The following TIMD4 variants were observed in gnomAD, a reference collection of about 807,000 sequenced individuals.
The protein encoded by TIMD4 is T cell immunoglobulin and mucin domain containing 4.
In TIMD4, 31 loss-of-function variants were observed where a neutral mutation model predicts 41.2. That is an observed-to-expected ratio of 0.75 (90% CI 0.57 to 1.01). The LOEUF is 1.01. Ranked by LOEUF, TIMD4 falls within the 50% of genes least tolerant of loss-of-function variation. The probability of loss-of-function intolerance (pLI) is 0.00; values close to 1 mark genes in which losing one functional copy is unlikely to be tolerated. For missense variants in TIMD4, 479 were observed against 472.5 expected (o/e 1.01, Z -0.13); for synonymous variants, 204 against 177.1 (o/e 1.15, Z -1.21).
chr5:156,921,037 A>G (rs1161609275), intron 7 of TIMD4, among the ~76,000 whole-genome samples: 2 of 151,412 alleles, frequency 1.3e-5, no homozygotes, highest in African/African-American at 2.4e-5. Flanking sequence ...CCCATTTTAC[A>G]ACAGTACCAG....
chr5:156,946,225 CTTTCTT>C (rs1759738083), intron 5 of TIMD4, among the ~76,000 whole-genome samples: 1 of 152,192 alleles, frequency 6.6e-6, no homozygotes, highest in African/African-American at 2.4e-5. Context: ...ACTGTCATCT[CTTTCTT>C]TGTCAGAAAA....
intron 6 of TIMD4, among the ~76,000 whole-genome samples, chr5:156,925,302 T>C (rs551362301): frequency 2.6e-5 from 4 of 152,322 alleles, no homozygotes; most frequent in African/African-American, 7.2e-5. Context: ...AGTGAGACTT[T>C]GTCTCAAAAA....
At chr5:156,952,424 A>ATCT (rs1162146221) in intron 2 of TIMD4, among the ~76,000 whole-genome samples, 2 of 151,890 alleles carry the variant, frequency 1.3e-5, no homozygotes, top group Non-Finnish European at 2.9e-5. Context: ...ATTTGACCCC[A>ATCT]TCTTGCCTTT....
At chr5:156,926,710 C>T (rs538194439) in intron 5 of TIMD4, among the ~76,000 whole-genome samples, 2 of 152,234 alleles carry the variant, frequency 1.3e-5, no homozygotes, top group Non-Finnish European at 2.9e-5. Context: ...TACCTTGGAC[C>T]TCATAGAATT....
intron 5 of TIMD4, among the ~76,000 whole-genome samples, chr5:156,927,998 C>T (rs1759378940): frequency 6.6e-6 from 1 of 152,114 alleles, no homozygotes; most frequent in South Asian, 2.1e-4. Context: ...GAGCAGTTGA[C>T]CCCCTCAGAG....
At chr5:156,927,008 T>C (rs2113345833) in intron 5 of TIMD4, among the ~76,000 whole-genome samples, 1 of 152,308 alleles carries the variant, frequency 6.6e-6, no homozygotes, top group South Asian at 2.1e-4. Flanking sequence ...GACTGCGGCA[T>C]GGCCCCTACC....
In TIMD4 at chr5:156,949,639, G is replaced by C. The variant is rs1759815137; in HGVS notation, c.760+12C>G. The C allele has an allele frequency of 6.2e-7, 1 of 1,602,042 alleles. No homozygotes were observed. The highest frequency in any genetic ancestry group is 1.3e-5 in the African/African-American group (1 of 74,718). On this transcript the variant is annotated intron_variant, in intron 4 of 8. Coordinates refer to ENST00000274532, the MANE Select transcript of TIMD4 (RefSeq NM_138379.3). Reference sequence around the variant, plus strand: ...GGGTGAGGGAGGACAGAGAGAGTGAGTGTCTGCACACCTTTGGATGTCAGC... The same window carrying C: ...GGGTGAGGGAGGACAGAGAGAGTGACTGTCTGCACACCTTTGGATGTCAGC...
At chr5:156,956,589 C>G (rs944346925) in intron 1 of TIMD4, among the ~76,000 whole-genome samples, 1 of 152,236 alleles carries the variant, frequency 6.6e-6, no homozygotes, top group Non-Finnish European at 1.5e-5. Context: ...TGTTTGAGAA[C>G]CACTAGACAA....
intron 6 of TIMD4, 37 bp downstream of exon 6, chr5:156,926,226 T>A: frequency 6.2e-7 from 1 of 1,609,216 alleles, no homozygotes; most frequent in Non-Finnish European, 8.5e-7. Flanking sequence ...TTTTACTATT[T>A]AAGTGATATA....
rs1167585813 is a variant in TIMD4, at chr5:156,948,502, T to A, written c.761-3A>T. 2 of 1,537,548 alleles carry A rather than the reference T, an allele frequency of 1.3e-6. No individual in the cohort carries two copies. The highest frequency in any genetic ancestry group is 4.8e-5 in the East Asian group (2 of 41,864). ...TGGGAGATCCCAAACTTTGGACTCTTTGGAAAAACAAAGGAAAACAGAAAA... is the reference window on the plus strand; with the variant it reads ...TGGGAGATCCCAAACTTTGGACTCTATGGAAAAACAAAGGAAAACAGAAAA... On this transcript the variant is annotated splice_polypyrimidine_tract_variant and splice_region_variant and intron_variant, in intron 4 of 8. Coordinates refer to ENST00000274532, the MANE Select transcript of TIMD4 (RefSeq NM_138379.3).
chr5:156,945,904 T>C (rs1427966688), intron 5 of TIMD4, among the ~76,000 whole-genome samples: 1 of 152,164 alleles, frequency 6.6e-6, no homozygotes, highest in African/African-American at 2.4e-5. Flanking sequence ...CCCAGGAAGA[T>C]GGCTTGACAC....
intron 5 of TIMD4, among the ~76,000 whole-genome samples, chr5:156,928,771 T>G (rs1425583287): frequency 1.3e-5 from 2 of 152,226 alleles, no homozygotes; most frequent in Non-Finnish European, 2.9e-5. Flanking sequence ...ATCCTAGAAC[T>G]AAGTTATTGT....
intron 7 of TIMD4, among the ~76,000 whole-genome samples, chr5:156,921,111 T>G (rs780282010): frequency 6.8e-5 from 10 of 146,954 alleles, no homozygotes; most frequent in Non-Finnish European, 1.2e-4. Flanking sequence ...TTGTAGCATT[T>G]TAAAACTTTT....
intron 5 of TIMD4, among the ~76,000 whole-genome samples, chr5:156,947,766 GA>G (rs1316085554): frequency 1.3e-5 from 2 of 152,114 alleles, no homozygotes; most frequent in Admixed American, 1.3e-4. Context: ...TAAGGGAATG[GA>G]AAAAAGACCT....
chr5:156,922,409 C>T lies in TIMD4; in HGVS notation c.895-193G>A, dbSNP rs748007778. 7.2e-5 allele frequency among the ~76,000 whole-genome samples: 11 copies of T among 152,274 alleles called. No homozygotes were observed. In the South Asian group the frequency reaches 8.3e-4, roughly 11 times the overall value. On this transcript the variant is annotated intron_variant, in intron 6 of 8. Coordinates refer to ENST00000274532, the MANE Select transcript of TIMD4 (RefSeq NM_138379.3). Reference sequence around the variant, plus strand: ...ATTTTCCGAAGTGTTAGACATCAGGCATAAGGAGCTGTGGGGCTCAGGGGT... The same window carrying T: ...ATTTTCCGAAGTGTTAGACATCAGGTATAAGGAGCTGTGGGGCTCAGGGGT...
intron 5 of TIMD4, among the ~76,000 whole-genome samples, chr5:156,946,916 G>C (rs1284577320): frequency 6.6e-6 from 1 of 151,820 alleles, no homozygotes; most frequent in Non-Finnish European, 1.5e-5. Flanking sequence ...GAACAAGATG[G>C]GCCGGGCAAG....
At chr5:156,942,710 G>A (rs1369123101) in intron 5 of TIMD4, among the ~76,000 whole-genome samples, 1 of 152,196 alleles carries the variant, frequency 6.6e-6, no homozygotes, top group Non-Finnish European at 1.5e-5. Flanking sequence ...TGTACACAGA[G>A]TTGCTTTGTA....
intron 5 of TIMD4, among the ~76,000 whole-genome samples, chr5:156,938,887 T>C (rs1759587240): frequency 6.6e-6 from 1 of 152,214 alleles, no homozygotes; most frequent in Admixed American, 6.5e-5. Context: ...ACAGCCTCCC[T>C]AGGCTTTGCC....
At position 156,954,492 on chromosome 5, in the gene TIMD4, C is replaced by T; in HGVS notation, c.323G>A (p.Gly108Asp). 1 of 1,614,244 alleles carries T rather than the reference C, an allele frequency of 6.2e-7. No individual in the cohort carries two copies. Among genetic ancestry groups the T allele is most frequent in the East Asian group, 2.2e-5 (1 of 44,892 alleles). The change falls in exon 2 of 9, where the codon GGT becomes GAT. Residue 108 changes from glycine (G) to aspartate (D), a missense_variant. By Grantham distance (94) the Gly-to-Asp change is moderately conservative. Coordinates refer to ENST00000274532, the MANE Select transcript of TIMD4 (RefSeq NM_138379.3). ...CACTTCTATGCGGCAGCAGTACACA[C>T]CGCTGTCACTTTCACTGGGGTTTAA... Reference protein sequence around the residue: ...TILNPSESDSGVYCCRIEVPG... With the variant: ...TILNPSESDSDVYCCRIEVPG...
Sources: allele counts gnomAD v4.1 joint callset (sites outside exome capture counted in the v4.1 genomes callset), GRCh38; gene constraint gnomAD v4.1.1; transcripts MANE v1.5; gene names NCBI Gene and HGNC (gene_info 2026-07-23, HGNC 2026-07-21).